PIK3C2G: variants seen among roughly 807,000 people sequenced by gnomAD.
The protein encoded by PIK3C2G is phosphatidylinositol 3-kinase C2 domain-containing subunit gamma.
A neutral mutation model predicts 181.1 loss-of-function variants in PIK3C2G; 168 were observed. The observed-to-expected ratio is 0.93, with a 90% CI of 0.82 to 1.05. The LOEUF is 1.05. Among genes scored for constraint, PIK3C2G ranks in the 50% least tolerant of loss-of-function variants. The pLI, the probability that PIK3C2G is intolerant of heterozygous loss-of-function variation, is 0.00. For synonymous variants in PIK3C2G, 573 were observed against 592.2 expected, an observed-to-expected ratio of 0.97 and a Z score of 0.47; for missense variants, 1,869 against 1,732.8, an observed-to-expected ratio of 1.08 and a Z score of -1.40.
chr12:18,625,946 T>C (rs1949078535), intron 31 of PIK3C2G, among the ~76,000 whole-genome samples: 1 of 151,934 alleles, frequency 6.6e-6, no homozygotes, highest in South Asian at 2.1e-4. Flanking sequence ...AGCATATAGT[T>C]AGATCCTGTA....
chr12:18,305,656 C>T (rs1171745079), intron 5 of PIK3C2G, among the ~76,000 whole-genome samples: 1 of 151,978 alleles, frequency 6.6e-6, no homozygotes, highest in South Asian at 2.1e-4. Flanking sequence ...TTACATATTT[C>T]TTCAAATTAG....
chr12:18,317,099 C>T (rs898019835), intron 6 of PIK3C2G, among the ~76,000 whole-genome samples: 9 of 150,840 alleles, frequency 6.0e-5, no homozygotes, highest in Admixed American at 1.3e-4. Context: ...CTGCAACCTC[C>T]GCCTCCCGGG....
the PIK3C2G span, chr12:18,723,500 A>G: frequency 1.2e-6 from 2 of 1,612,820 alleles, no homozygotes; most frequent in African/African-American, 2.7e-5. Context: ...ATTGCTCTAA[A>G]TTCTTCTATG....
intron 31 of PIK3C2G, among the ~76,000 whole-genome samples, chr12:18,633,635 A>G (rs147470541): frequency 2.6e-5 from 4 of 152,200 alleles, no homozygotes; most frequent in African/African-American, 9.6e-5. Flanking sequence ...GTACTCCAGA[A>G]GTACTCTTCC....
chr12:18,403,387 A>G (rs1359261516), intron 16 of PIK3C2G, among the ~76,000 whole-genome samples: 1 of 152,168 alleles, frequency 6.6e-6, no homozygotes, highest in Non-Finnish European at 1.5e-5. Context: ...TCCCACTCTC[A>G]GTTTTACTGA....
At chr12:18,424,830 C>T (rs1453477727) in intron 18 of PIK3C2G, 2 of 210,186 alleles carry the variant, frequency 9.5e-6, no homozygotes, top group East Asian at 2.3e-4. Context: ...GCAGCTGTAC[C>T]ACATTCTCTA....
chr12:18,647,633 T>C (rs1245782995), intron 32 of PIK3C2G, among the ~76,000 whole-genome samples: 2 of 151,814 alleles, frequency 1.3e-5, no homozygotes. Flanking sequence ...GAGTGGGTAA[T>C]TCTTAGTGGA....
intron 24 of PIK3C2G, among the ~76,000 whole-genome samples, chr12:18,524,840 T>A (rs569770324): frequency 4.0e-5 from 6 of 151,698 alleles, no homozygotes; most frequent in Non-Finnish European, 8.8e-5. Flanking sequence ...AGTGCTAGGA[T>A]TACAGGCATG....
intron 19 of PIK3C2G, among the ~76,000 whole-genome samples, chr12:18,489,474 C>T (rs1005874055): frequency 2.6e-5 from 4 of 152,040 alleles, no homozygotes; most frequent in Admixed American, 6.6e-5. Context: ...AATTCTTTCT[C>T]AGCCCAGGAT....
chr12:18,462,143 A>C (rs58309885), intron 18 of PIK3C2G, among the ~76,000 whole-genome samples: 1,624 of 152,304 alleles, frequency 0.011, 27 homozygotes, highest in African/African-American at 0.037. Context: ...ATTAGAATGC[A>C]GACATTATGA....
intron 29 of PIK3C2G, among the ~76,000 whole-genome samples, chr12:18,590,945 C>T (rs1017934403): frequency 6.6e-6 from 1 of 151,796 alleles, no homozygotes; most frequent in Non-Finnish European, 1.5e-5. Context: ...ATTTCAGACA[C>T]CAATTGGAAA....
chr12:18,619,741 ATT>A (rs34358685), intron 31 of PIK3C2G, among the ~76,000 whole-genome samples: 95,492 of 143,228 alleles, frequency 0.67, 31,717 homozygotes, highest in East Asian at 0.94. Flanking sequence ...TATGATTTTA[ATT>A]TTTTTTTTTT....
intron 31 of PIK3C2G, among the ~76,000 whole-genome samples, chr12:18,612,244 T>G (rs908243869): frequency 2.0e-5 from 3 of 152,124 alleles, no homozygotes; most frequent in African/African-American, 7.2e-5. Flanking sequence ...TGGATCAATA[T>G]TCTCTGTGGC....
At chr12:18,686,593 G>T in the PIK3C2G span, among the ~76,000 whole-genome samples, 1 of 151,754 alleles carries the variant, frequency 6.6e-6, no homozygotes, top group Non-Finnish European at 1.5e-5. Context: ...AAATGTCCTT[G>T]TCCCCAATCT....
At position 18,338,455 on chromosome 12, in the gene PIK3C2G, TA is replaced by T. The variant is rs1377942847; in HGVS notation, c.1309del (p.Ile437TyrfsTer5). The stretch of plus-strand genomic sequence containing the variant: ...ACGTGTATAATATTATTGAAGAAGT[TA>T]AAAAAATATGCAGTGTTCTAGGGTG... ...ENVYNIIEEV[K>X]KICSVLGCVE... On this transcript the variant is annotated frameshift_variant, in exon 9 of 33. Transcript: ENST00000538779. LOFTEE classifies it high-confidence loss of function. The T allele has an allele frequency of 3.8e-6, 6 of 1,572,484 alleles. No individual in the cohort carries two copies. Among genetic ancestry groups the T allele is most frequent in the Non-Finnish European group, 5.2e-6 (6 of 1,144,684 alleles).
At chr12:18,482,321 T>C (rs6486905) in intron 18 of PIK3C2G, among the ~76,000 whole-genome samples, 97,431 of 151,562 alleles carry the variant, frequency 0.64, 31,707 homozygotes, top group East Asian at 0.89. Context: ...GTGACCCTCA[T>C]ACTTGATAGG....
the PIK3C2G span, among the ~76,000 whole-genome samples, chr12:18,698,991 C>T: frequency 6.6e-6 from 1 of 152,138 alleles, no homozygotes; most frequent in African/African-American, 2.4e-5. Flanking sequence ...GTTAGTTGCT[C>T]ATTCCCTTTT....
At chr12:18,279,459 T>G (rs1174806352) in intron 1 of PIK3C2G, among the ~76,000 whole-genome samples, 7 of 151,978 alleles carry the variant, frequency 4.6e-5, no homozygotes, top group Admixed American at 1.3e-4. Context: ...TTTAAAGACC[T>G]TCCTGTGGCT....
Position 18,391,233 on chromosome 12 carries a change from C to G in PIK3C2G, c.2107C>G (p.Gln703Glu), listed in dbSNP as rs1309543394. The G allele has an allele frequency of 1.3e-6, 2 of 1,591,744 alleles. No individual in the cohort carries two copies. The highest frequency in any genetic ancestry group is 2.7e-5 in the African/African-American group (2 of 73,920). The change falls in exon 15 of 33, where the codon CAG (glutamine) becomes GAG (glutamate). Residue 703 changes from glutamine to glutamate, a missense_variant. Physicochemically the swap from Gln to Glu is conservative, Grantham distance 29. Coordinates refer to ENST00000538779, the MANE Select transcript of PIK3C2G (RefSeq NM_001288772.2). ...TATAAAACATATTGCCAGACTTTCA[C>G]AGAAACAGACTCCCCTACTGTAAGT... ...ECIKHIARLSQKQTPLLLSEE... is the reference protein window; with the variant it reads ...ECIKHIARLSEKQTPLLLSEE...
Sources: gnomAD v4.1 joint callset for allele counts (sites outside exome capture counted in the v4.1 genomes callset) on GRCh38, gnomAD v4.1.1 for gene constraint, MANE v1.5 for transcripts, NCBI Gene and HGNC (gene_info 2026-07-23, HGNC 2026-07-21) for gene names.